Variants in SLC4A8 observed in about 807,000 individuals in gnomAD.
SLC4A8 encodes the protein solute carrier family 4 member 8, also known as electroneutral sodium bicarbonate exchanger 1.
A neutral mutation model predicts 125.0 loss-of-function variants in SLC4A8; 40 were observed. That is an observed-to-expected ratio of 0.32 (90% CI 0.25 to 0.42). The LOEUF (loss-of-function observed/expected upper bound fraction) is 0.42, where lower values mean the gene tolerates loss of function less well. Ranked by LOEUF, SLC4A8 falls within the 10% of genes least tolerant of loss-of-function variation. SLC4A8 has a pLI of 1.00. For synonymous variants in SLC4A8, 456 were observed against 476.0 expected, an observed-to-expected ratio of 0.96 and a Z score of 0.55; for missense variants, 863 against 1,355.1, an observed-to-expected ratio of 0.64 and a Z score of 5.70.
intron 23 of SLC4A8, among the ~76,000 whole-genome samples, chr12:51,504,728 T>G (rs60368956): frequency 0.055 from 8,444 of 152,240 alleles, 713 homozygotes; most frequent in African/African-American, 0.18. Context: ...CATCTGTAGT[T>G]CTGGGAGCAA....
At chr12:51,503,286 G>A (rs1299631421) in intron 22 of SLC4A8, among the ~76,000 whole-genome samples, 5 of 150,334 alleles carry the variant, frequency 3.3e-5, no homozygotes, top group Admixed American at 2.0e-4. Context: ...GTACAGTGGC[G>A]CAATCTCAGC....
Position 51,460,021 on chromosome 12 carries a change from A to G in SLC4A8, c.926A>G (p.Asp309Gly). The G allele has an allele frequency of 1.9e-6, 3 of 1,613,518 alleles. No homozygotes were observed. Among genetic ancestry groups the G allele is most frequent in the Non-Finnish European group, 2.5e-6 (3 of 1,179,448 alleles). ...TCCAATGTCCTGGTTGGAGAGGTGG[A>G]TATTTTGGACCGTCCCATTGTTGCC... Reference protein sequence around the residue: ...EASNVLVGEVDILDRPIVAFV... With the variant: ...EASNVLVGEVGILDRPIVAFV... Residue 309 changes from aspartate (D) to glycine (G), a missense_variant, in exon 8 of 25, where the codon GAT (aspartate) becomes GGT (glycine). Asp to Gly is a moderately conservative substitution (Grantham distance 94). This residue lies in a region of SLC4A8 where 390 missense variants were observed against 634.4 expected (regional missense o/e 0.61). Coordinates refer to ENST00000453097, the MANE Select transcript of SLC4A8 (RefSeq NM_001039960.3).
intron 11 of SLC4A8, among the ~76,000 whole-genome samples, chr12:51,467,027 A>G (rs148642606): frequency 1.3e-5 from 2 of 152,108 alleles, no homozygotes; most frequent in Non-Finnish European, 2.9e-5. Context: ...TCACAGAATT[A>G]TGCTTTCCAG....
chr12:51,481,622 CT>C (rs1254074111), intron 16 of SLC4A8, among the ~76,000 whole-genome samples: 3 of 152,044 alleles, frequency 2.0e-5, no homozygotes, highest in African/African-American at 4.8e-5. Context: ...CTATCCTTTA[CT>C]TTAGGTAAAA....
intron 16 of SLC4A8, among the ~76,000 whole-genome samples, chr12:51,484,338 G>C (rs1369794717): frequency 6.6e-6 from 1 of 152,170 alleles, no homozygotes; most frequent in Non-Finnish European, 1.5e-5. Flanking sequence ...AAACTTAAAA[G>C]ATAGTATCTG....
rs1027150696 is a variant in SLC4A8, at chr12:51,512,696, T to C, written c.*5258T>C. ...ATTTGCATGTGTGTATGTTGACAAATGAGAGTGTAGCCATAAGATTTCATT... is the reference window on the plus strand; with the variant it reads ...ATTTGCATGTGTGTATGTTGACAAACGAGAGTGTAGCCATAAGATTTCATT... On this transcript the variant is annotated 3_prime_UTR_variant, in exon 25 of 25. Coordinates refer to ENST00000453097, the MANE Select transcript of SLC4A8 (RefSeq NM_001039960.3). The C allele has an allele frequency of 6.6e-6, 1 of 152,164 alleles. No homozygotes were observed. Among genetic ancestry groups the C allele is most frequent in the African/African-American group, 2.4e-5 (1 of 41,420 alleles). 9.4% of individuals were successfully genotyped at this position (152,164 alleles called of 1,614,324 possible).
At chr12:51,446,585 G>T (rs1023945882) in intron 2 of SLC4A8, among the ~76,000 whole-genome samples, 1 of 152,214 alleles carries the variant, frequency 6.6e-6, no homozygotes, top group Non-Finnish European at 1.5e-5. Flanking sequence ...TTCCCACCAA[G>T]TCTCCTTCTC....
chr12:51,484,689 C>T (rs773582378), intron 16 of SLC4A8, among the ~76,000 whole-genome samples: 1 of 152,138 alleles, frequency 6.6e-6, no homozygotes, highest in Non-Finnish European at 1.5e-5. Flanking sequence ...TTAAGGCAGG[C>T]ACGGGTCATT....
intron 1 of SLC4A8, 182 bp downstream of exon 1, chr12:51,425,217 G>A (rs1209988893): frequency 7.1e-7 from 1 of 1,400,094 alleles, no homozygotes; most frequent in African/African-American, 1.5e-5. Context: ...CCAGGGCTGC[G>A]AGAGAGTGAC....
upstream of SLC4A8, chr12:51,422,106 G>T (rs2138007060): frequency 6.6e-6 from 1 of 152,302 alleles, no homozygotes; most frequent in Non-Finnish European, 1.5e-5. Context: ...ATAGATGAAT[G>T]ATGGAATCCC....
chr12:51,504,243 G>A, intron 23 of SLC4A8, 123 bp downstream of exon 23: 2 of 675,886 alleles, frequency 3.0e-6, no homozygotes, highest in South Asian at 1.7e-5. Context: ...CAGCCTCCCA[G>A]TTCCATCCTG....
chr12:51,407,391 C>T (rs1446553489), intron 1 of SLC4A8, among the ~76,000 whole-genome samples: 1 of 151,842 alleles, frequency 6.6e-6, no homozygotes, highest in Non-Finnish European at 1.5e-5. Flanking sequence ...AAGTAGCTGG[C>T]ACTACAGGCA....
chr12:51,455,543 T>C (rs1950121150), intron 5 of SLC4A8, among the ~76,000 whole-genome samples: 1 of 152,246 alleles, frequency 6.6e-6, no homozygotes, highest in South Asian at 2.1e-4. Flanking sequence ...GGGAGATATC[T>C]GATTGTTCTT....
At chr12:51,468,776 A>G (rs1950603335) in intron 11 of SLC4A8, among the ~76,000 whole-genome samples, 1 of 152,242 alleles carries the variant, frequency 6.6e-6, no homozygotes, top group Non-Finnish European at 1.5e-5. Flanking sequence ...ATATATAAAA[A>G]TAATGAATAA....
At chr12:51,500,584 A>G (rs1337571604) in intron 22 of SLC4A8, among the ~76,000 whole-genome samples, 5 of 151,878 alleles carry the variant, frequency 3.3e-5, no homozygotes, top group Non-Finnish European at 4.4e-5. Flanking sequence ...TAATTTAAAT[A>G]TTTTTCCTTT....
In SLC4A8 at chr12:51,397,320, C is replaced by G. The variant is rs150112863; in HGVS notation, c.-112+5832C>G. On this transcript the variant is annotated intron_variant, in intron 1 of 24. Transcript: ENST00000358657. ...ATCTTACAATTCAAAATGAAATAAG[C>G]AAAACAGTTAGTTTTGAAAATATGA... Among the ~76,000 whole-genome samples the G allele has an allele frequency of 1.4e-3, 207 of 152,248 alleles. 1 individual carries two copies. The highest frequency in any genetic ancestry group is 4.6e-3 in the African/African-American group (193 of 41,550).
At chr12:51,438,958 A>G (rs934750460) in intron 1 of SLC4A8, among the ~76,000 whole-genome samples, 1 of 152,138 alleles carries the variant, frequency 6.6e-6, no homozygotes, top group East Asian at 1.9e-4. Flanking sequence ...TTTAACAAAG[A>G]TTTATAGAGC....
chr12:51,399,450 A>G (rs1199678788), intron 1 of SLC4A8, among the ~76,000 whole-genome samples: 2 of 148,078 alleles, frequency 1.4e-5, no homozygotes, highest in African/African-American at 2.5e-5. Flanking sequence ...CAAGTACTTT[A>G]AATAGCAGCT....
chr12:51,470,595 G>T (rs1290050436), intron 13 of SLC4A8, 70 bp downstream of exon 13: 13 of 1,379,214 alleles, frequency 9.4e-6, no homozygotes, highest in Non-Finnish European at 1.2e-5. Flanking sequence ...AAATGTCAGG[G>T]TTCTACTCAG....
Sources: gnomAD v4.1 joint callset for allele counts (sites outside exome capture counted in the v4.1 genomes callset) on GRCh38, gnomAD v4.1.1 for gene constraint, gnomAD v4.1.1 regional missense constraint, MANE v1.5 for transcripts, NCBI Gene and HGNC (gene_info 2026-07-23, HGNC 2026-07-21) for gene names.